The following TEAD1 variants were observed in gnomAD, a reference collection of about 807,000 sequenced individuals.
The protein encoded by TEAD1 is transcriptional enhancer factor TEF-1.
TEAD1 carries 9 observed loss-of-function variants against 54.9 expected under a neutral mutation model. The observed-to-expected ratio is 0.16, with a 90% CI of 0.10 to 0.29. The LOEUF (loss-of-function observed/expected upper bound fraction) is 0.29, where lower values mean the gene tolerates loss of function less well. Ranked by LOEUF, TEAD1 falls within the 10% of genes least tolerant of loss-of-function variation. The probability of loss-of-function intolerance (pLI) is 1.00; values close to 1 mark genes in which losing one functional copy is unlikely to be tolerated. For missense variants in TEAD1, 387 were observed against 535.9 expected (o/e 0.72, Z 2.74); for synonymous variants, 200 against 187.8 (o/e 1.07, Z -0.53).
chr11:12,890,665 T>C (rs1948180416), intron 9 of TEAD1, among the ~76,000 whole-genome samples: 1 of 152,212 alleles, frequency 6.6e-6, no homozygotes, highest in African/African-American at 2.4e-5. Flanking sequence ...TACAGTAATG[T>C]GAAAGGAAAT....
At chr11:12,716,018 C>G (rs762950301) in intron 2 of TEAD1, among the ~76,000 whole-genome samples, 2 of 151,970 alleles carry the variant, frequency 1.3e-5, no homozygotes, top group Middle Eastern at 3.4e-3. Context: ...TCCCCACCTT[C>G]CCCCCAAGAC....
intron 2 of TEAD1, among the ~76,000 whole-genome samples, chr11:12,744,530 A>G (rs1944708262): frequency 6.6e-6 from 1 of 152,190 alleles, no homozygotes. Flanking sequence ...AGGAATAATT[A>G]GTGTAAGAAA....
At chr11:12,785,571 C>A (rs1318303466) in intron 3 of TEAD1, among the ~76,000 whole-genome samples, 1 of 152,234 alleles carries the variant, frequency 6.6e-6, no homozygotes, top group Non-Finnish European at 1.5e-5. Flanking sequence ...AATCTTCCTT[C>A]CTGTGCCTTC....
intron 2 of TEAD1, among the ~76,000 whole-genome samples, chr11:12,715,139 TC>T (rs1944029120): frequency 6.6e-6 from 1 of 152,116 alleles, no homozygotes; most frequent in Admixed American, 6.5e-5. Context: ...TTAGTGGTCT[TC>T]AGTCACCGCT....
At chr11:12,905,740 TTCTC>T (rs1434045876) in intron 10 of TEAD1, among the ~76,000 whole-genome samples, 3 of 152,198 alleles carry the variant, frequency 2.0e-5, no homozygotes, top group Non-Finnish European at 2.9e-5. Context: ...AGTCCTTTTC[TTCTC>T]TCTTTTTCAA....
In TEAD1 at chr11:12,939,072, C is replaced by T. The variant is rs1374934835; in HGVS notation, c.*1850C>T. The T allele has an allele frequency of 6.6e-6, 1 of 152,212 alleles. No individual in the cohort carries two copies. Among genetic ancestry groups the T allele is most frequent in the African/African-American group, 2.4e-5 (1 of 41,436 alleles). The allele number at this position is 152,212 out of a possible 1,614,324, so 9.4% of individuals were successfully genotyped here. A position where few individuals can be genotyped will look rare whatever the true frequency, so the allele number is the denominator to read the frequency against. On this transcript the variant is annotated 3_prime_UTR_variant, in exon 13 of 13. Coordinates refer to ENST00000527636, the MANE Select transcript of TEAD1 (RefSeq NM_021961.6). ...GATGTGGCTGGCTCGTGGGAAACAGCAAAACACTAAGCCTGACCTCTCCCA... is the reference window on the plus strand; with the variant it reads ...GATGTGGCTGGCTCGTGGGAAACAGTAAAACACTAAGCCTGACCTCTCCCA...
At chr11:12,745,278 A>T (rs1944724233) in intron 2 of TEAD1, among the ~76,000 whole-genome samples, 1 of 152,230 alleles carries the variant, frequency 6.6e-6, no homozygotes, top group Non-Finnish European at 1.5e-5. Flanking sequence ...TGTGCCCTGC[A>T]TGAACTGTGT....
At chr11:12,836,761 C>G (rs375262968) in intron 3 of TEAD1, among the ~76,000 whole-genome samples, 10 of 152,314 alleles carry the variant, frequency 6.6e-5, no homozygotes, top group African/African-American at 1.9e-4. Context: ...GACTATTCCA[C>G]CAACTAGTTT....
intron 2 of TEAD1, among the ~76,000 whole-genome samples, chr11:12,694,275 G>A (rs1416842302): frequency 6.6e-6 from 1 of 150,854 alleles, no homozygotes; most frequent in Non-Finnish European, 1.5e-5. Context: ...CTTCACTTGA[G>A]AGAAAGGAGA....
intron 3 of TEAD1, among the ~76,000 whole-genome samples, chr11:12,825,309 G>C (rs1946628783): frequency 6.6e-6 from 1 of 152,256 alleles, no homozygotes; most frequent in South Asian, 2.1e-4. Context: ...GATGAATTGA[G>C]CCTGTACTAG....
intron 3 of TEAD1, among the ~76,000 whole-genome samples, chr11:12,828,922 T>C (rs1484878630): frequency 6.6e-6 from 1 of 152,076 alleles, no homozygotes; most frequent in East Asian, 1.9e-4. Context: ...AGTTAAATTC[T>C]GTTGTGTATA....
At chr11:12,747,782 C>T (rs552823399) in intron 2 of TEAD1, among the ~76,000 whole-genome samples, 2 of 152,182 alleles carry the variant, frequency 1.3e-5, no homozygotes, top group Non-Finnish European at 2.9e-5. Context: ...TGGATCATCT[C>T]ATTTAATCTT....
In TEAD1 at chr11:12,720,500, T is replaced by A. The variant is rs541469587; in HGVS notation, c.-54-43679T>A. On this transcript the variant is annotated intron_variant, in intron 2 of 12. Transcript: ENST00000527636. ...CCCCTGGTGAGTACTTTAAATGTAT[T>A]ATTTAATTATCAGAACAACTCTATG... Among the ~76,000 whole-genome samples, 3 of 152,330 alleles carry A rather than the reference T, an allele frequency of 2.0e-5. No individual in the cohort carries two copies. In the East Asian group the frequency reaches 5.8e-4, roughly 29 times the overall value.
intron 5 of TEAD1, among the ~76,000 whole-genome samples, chr11:12,876,099 T>C (rs1442609409): frequency 2.0e-5 from 3 of 152,148 alleles, no homozygotes; most frequent in African/African-American, 4.8e-5. Context: ...ATTGATTTGC[T>C]CTCCTGCTCT....
intron 3 of TEAD1, among the ~76,000 whole-genome samples, chr11:12,784,130 A>G (rs1276981117): frequency 6.6e-6 from 1 of 152,150 alleles, no homozygotes; most frequent in Non-Finnish European, 1.5e-5. Context: ...ACATCAGTAT[A>G]TTAGAGATTA....
chr11:12,904,219 A>G (rs1948475275), intron 10 of TEAD1, among the ~76,000 whole-genome samples: 1 of 152,212 alleles, frequency 6.6e-6, no homozygotes, highest in South Asian at 2.1e-4. Flanking sequence ...AAAGTCCTTC[A>G]TGAATTTTAT....
intron 5 of TEAD1, among the ~76,000 whole-genome samples, chr11:12,870,644 G>A (rs571682862): frequency 1.4e-4 from 22 of 152,262 alleles, no homozygotes; most frequent in African/African-American, 4.3e-4. Flanking sequence ...CTAGCACTTC[G>A]GGAGGCCGAG....
chr11:12,859,582 A>G (rs1252233211), intron 3 of TEAD1, among the ~76,000 whole-genome samples: 2 of 152,256 alleles, frequency 1.3e-5, no homozygotes, highest in African/African-American at 2.4e-5. Context: ...AGTAGATCCA[A>G]TGATACTACA....
chr11:12,828,266 A>C (rs1946697045), intron 3 of TEAD1: 1 of 152,186 alleles, frequency 6.6e-6, no homozygotes. Flanking sequence ...CCGCTGAAAC[A>C]ATTGCTGTGC....
Sources: allele counts gnomAD v4.1 joint callset (sites outside exome capture counted in the v4.1 genomes callset), GRCh38; gene constraint gnomAD v4.1.1; transcripts MANE v1.5; gene names NCBI Gene and HGNC (gene_info 2026-07-23, HGNC 2026-07-21).